The following SCNN1G variants were observed in gnomAD, a reference collection of about 807,000 sequenced individuals.
SCNN1G encodes sodium channel epithelial 1 subunit gamma, also known as epithelial sodium channel subunit gamma.
In SCNN1G, 27 loss-of-function variants were observed where a neutral mutation model predicts 64.6. The observed-to-expected ratio is 0.42, with a 90% confidence interval of 0.31 to 0.58. The LOEUF (loss-of-function observed/expected upper bound fraction) is 0.58. Ranked by LOEUF, SCNN1G falls within the 20% of genes least tolerant of loss-of-function variation. The probability of loss-of-function intolerance (pLI) is 0.18; values close to 1 mark genes in which losing one functional copy is unlikely to be tolerated. For missense variants in SCNN1G, 743 were observed against 823.4 expected, an observed-to-expected ratio of 0.90 and a Z score of 1.19; for synonymous variants, 330 against 314.2, an observed-to-expected ratio of 1.05 and a Z score of -0.53.
At chr16:23,213,250 C>CTT in intron 11 of SCNN1G, 87 bp downstream of exon 11, 4 of 771,272 alleles carry the variant, frequency 5.2e-6, no homozygotes, top group South Asian at 3.3e-5. Flanking sequence ...TGGCCAAATC[C>CTT]TCTTTTTTTT....
At chr16:23,205,368 C>T (rs1959973147) in intron 6 of SCNN1G, among the ~76,000 whole-genome samples, 1 of 152,054 alleles carries the variant, frequency 6.6e-6, no homozygotes, top group African/African-American at 2.4e-5. Flanking sequence ...ATGGGAGGGG[C>T]CCTGAGACAG....
At chr16:23,215,063 A>G (rs536080638) in intron 12 of SCNN1G, 26 bp from the exon 13 acceptor site, 1 of 1,613,814 alleles carries the variant, frequency 6.2e-7, no homozygotes, top group East Asian at 2.2e-5. Flanking sequence ...GTTCCTCTTG[A>G]TGGTGTGGCT....
rs142967227 is a variant in SCNN1G, at chr16:23,215,405, C to T, written c.1886C>T (p.Thr629Ile). 6.2e-7 allele frequency: 1 copy of T among 1,614,028 alleles called. No homozygotes were observed. Among genetic ancestry groups the T allele is most frequent in the South Asian group, 1.1e-5 (1 of 91,084 alleles). ...GGCACACCGCCCCCCAAATACAATACCTTGCGCTTGGAGAGGGCCTTTTCC... is the reference window on the plus strand; with the variant it reads ...GGCACACCGCCCCCCAAATACAATATCTTGCGCTTGGAGAGGGCCTTTTCC... Reference protein sequence around the residue: ...VPGTPPPKYNTLRLERAFSNQ... With the variant: ...VPGTPPPKYNILRLERAFSNQ... Residue 629 changes from threonine to isoleucine, a missense_variant, in exon 13 of 13, where the codon ACC (threonine) becomes ATC (isoleucine). By Grantham distance (89) the Thr-to-Ile change is moderately conservative. Transcript: ENST00000300061.
Position 23,197,260 on chromosome 16 carries a change from C to T in SCNN1G, c.914-4C>T. The T allele has an allele frequency of 1.2e-6, 2 of 1,613,170 alleles. No individual in the cohort carries two copies. The highest frequency in any genetic ancestry group is 1.7e-6 in the Non-Finnish European group (2 of 1,179,704). ...GATCACAGCAGGTTGTCTTATCCTC[C>T]CAGGGCTGCAAGTCATTTTGTACAT... On this transcript the variant is annotated splice_polypyrimidine_tract_variant and splice_region_variant and intron_variant, in intron 5 of 12. Coordinates refer to ENST00000300061, the MANE Select transcript of SCNN1G (RefSeq NM_001039.4).
intron 1 of SCNN1G, among the ~76,000 whole-genome samples, chr16:23,185,794 A>G (rs4494543): frequency 0.21 from 31,596 of 152,164 alleles, 3,650 homozygotes; most frequent in Admixed American, 0.31. Flanking sequence ...GCTAGGAACC[A>G]GGGGGCATAA....
At chr16:23,206,554 G>T (rs1319990773) in intron 6 of SCNN1G, among the ~76,000 whole-genome samples, 1 of 152,132 alleles carries the variant, frequency 6.6e-6, no homozygotes, top group Non-Finnish European at 1.5e-5. Flanking sequence ...GGTCAAGGCT[G>T]CCATGAGCCA....
chr16:23,197,705 C>A (rs72647506), intron 6 of SCNN1G, among the ~76,000 whole-genome samples: 8 of 152,106 alleles, frequency 5.3e-5, no homozygotes, highest in Admixed American at 2.0e-4. Flanking sequence ...CTTGGTGAAA[C>A]CTGTCTCTAC....
intron 6 of SCNN1G, among the ~76,000 whole-genome samples, chr16:23,204,344 G>GAT (rs1471677490): frequency 0.013 from 1,463 of 110,774 alleles, 67 homozygotes; most frequent in Non-Finnish European, 0.021. Flanking sequence ...TAGAGAGAGA[G>GAT]AGAGAGAGAG....
At chr16:23,209,914 C>T (rs1275684008) in intron 7 of SCNN1G, 66 bp downstream of exon 7, 62 of 1,182,684 alleles carry the variant, frequency 5.2e-5, no homozygotes, top group Non-Finnish European at 7.2e-5. Flanking sequence ...AAAGTTATAT[C>T]TAAGCTGGGG....
In SCNN1G at chr16:23,216,883, A is replaced by G. The variant is rs1184489920; in HGVS notation, c.*1414A>G. ...TAAAGTTTTATTGGTACACAGCCAC[A>G]TCCATTTGTTCAAGTTTTGTTTATG... On this transcript the variant is annotated 3_prime_UTR_variant, in exon 13 of 13. Coordinates refer to ENST00000300061, the MANE Select transcript of SCNN1G (RefSeq NM_001039.4). 4.6e-5 allele frequency: 7 copies of G among 152,238 alleles called. No individual in the cohort carries two copies. The highest frequency in any genetic ancestry group is 3.3e-4 in the Admixed American group (5 of 15,278). The allele number at this position is 152,238 out of a possible 1,614,324, so 9.4% of individuals were successfully genotyped here. A position where few individuals can be genotyped will look rare whatever the true frequency, so the allele number is the denominator to read the frequency against.
chr16:23,198,732 C>T (rs1959837721), intron 6 of SCNN1G, among the ~76,000 whole-genome samples: 1 of 151,872 alleles, frequency 6.6e-6, no homozygotes. Context: ...GAGTAAGACT[C>T]TGTCTCAAAA....
chr16:23,190,258 A>T (rs1412476088), intron 3 of SCNN1G, among the ~76,000 whole-genome samples: 1 of 151,938 alleles, frequency 6.6e-6, no homozygotes, highest in Non-Finnish European at 1.5e-5. Context: ...ATTATTTTTT[A>T]AAAAAAGAAA....
chr16:23,212,256 G>A (rs1960092251), intron 8 of SCNN1G, 105 bp downstream of exon 8: 2 of 787,072 alleles, frequency 2.5e-6, no homozygotes, highest in Admixed American at 3.5e-5. Context: ...TTTGCGTGAG[G>A]GAGGTATTGG....
intron 3 of SCNN1G, 114 bp downstream of exon 3, chr16:23,189,785 G>T: frequency 3.8e-6 from 4 of 1,049,936 alleles, no homozygotes; most frequent in Non-Finnish European, 4.5e-6. Context: ...AATACACCCA[G>T]CTGGGGTCAG....
intron 6 of SCNN1G, among the ~76,000 whole-genome samples, chr16:23,204,946 G>A (rs1030871128): frequency 6.6e-6 from 1 of 152,098 alleles, no homozygotes; most frequent in Non-Finnish European, 1.5e-5. Context: ...TCAGATAGCT[G>A]GGATTATAGG....
intron 1 of SCNN1G, among the ~76,000 whole-genome samples, chr16:23,184,854 A>G (rs1447147905): frequency 6.6e-6 from 1 of 152,168 alleles, no homozygotes; most frequent in East Asian, 1.9e-4. Context: ...ACCACCCTGT[A>G]TGCCCTAGGA....
At chr16:23,214,277 T>A (rs1960125468) in intron 11 of SCNN1G, among the ~76,000 whole-genome samples, 1 of 152,234 alleles carries the variant, frequency 6.6e-6, no homozygotes, top group South Asian at 2.1e-4. Context: ...TTAGTTCACA[T>A]AAAGTTCTTA....
In SCNN1G at chr16:23,215,391, C is replaced by T; in HGVS notation, c.1872C>T (p.Pro624=). 1 of 1,614,170 alleles carries T rather than the reference C, an allele frequency of 6.2e-7. No homozygotes were observed. Among genetic ancestry groups the T allele is most frequent in the Non-Finnish European group, 8.5e-7 (1 of 1,180,038 alleles). Residue 624 remains proline (P), a synonymous_variant, in exon 13 of 13, where the codon CCC becomes CCT. Transcript: ENST00000300061. ...GAACCCAAGTGCCCGGCACACCGCCCCCCAAATACAATACCTTGCGCTTGG... is the reference window on the plus strand; with the variant it reads ...GAACCCAAGTGCCCGGCACACCGCCTCCCAAATACAATACCTTGCGCTTGG... ...ALGTQVPGTP[P]PKYNTLRLER... is the part of the protein sequence containing the mutation.
chr16:23,187,278 T>A (rs1036196601), intron 2 of SCNN1G, among the ~76,000 whole-genome samples: 17 of 152,062 alleles, frequency 1.1e-4, no homozygotes, highest in African/African-American at 4.1e-4. Context: ...CCAGCTAAAA[T>A]TTTTTATTTT....
Sources: allele counts gnomAD v4.1 joint callset (sites outside exome capture counted in the v4.1 genomes callset), GRCh38; gene constraint gnomAD v4.1.1; transcripts MANE v1.5; gene names NCBI Gene and HGNC (gene_info 2026-07-23, HGNC 2026-07-21).